Variants in ZNF75D observed in about 807,000 individuals in gnomAD.
ZNF75D encodes the protein zinc finger protein 75D.
ZNF75D carries 33 observed loss-of-function variants against 33.3 expected under a neutral mutation model. That is an observed-to-expected ratio of 0.99 (90% CI 0.75 to 1.32). The LOEUF (loss-of-function observed/expected upper bound fraction) is 1.32. ZNF75D is among the 40% of genes most tolerant of loss of function. ZNF75D has a pLI of 0.00. For missense variants in ZNF75D, 338 were observed against 367.5 expected (o/e 0.92, Z 0.66); for synonymous variants, 113 against 130.6 (o/e 0.87, Z 0.92).
At chrX:135,267,482 A>G (rs1424562817) in intron 1 of ZNF75D, among the ~76,000 whole-genome samples, 2 of 111,457 alleles carry the variant, frequency 1.8e-5, no homozygotes, top group African/African-American at 3.3e-5. Flanking sequence ...GGCTACTATG[A>G]ACAACTATTT....
chrX:135,324,749 A>C (rs1245187450), intron 1 of ZNF75D, among the ~76,000 whole-genome samples: 5 of 112,627 alleles, frequency 4.4e-5, no homozygotes, highest in Admixed American at 2.8e-4. Context: ...CTCTAACATT[A>C]GGAGAACCAG....
chrX:135,275,974 A>T (rs1288177226), intron 1 of ZNF75D, among the ~76,000 whole-genome samples: 2 of 111,578 alleles, frequency 1.8e-5, no homozygotes, highest in African/African-American at 6.5e-5. Flanking sequence ...TTCTTAATCC[A>T]TGGCAATGGT....
At chrX:135,336,737 C>T (rs1164933952) in intron 1 of ZNF75D, among the ~76,000 whole-genome samples, 4 of 112,592 alleles carry the variant, frequency 3.6e-5, no homozygotes, top group Non-Finnish European at 5.6e-5. Flanking sequence ...ACACCTTTCT[C>T]CATGCTGGCT....
At chrX:135,270,352 CATATATATATAT>C (rs530211370) in intron 1 of ZNF75D, among the ~76,000 whole-genome samples, 4,416 of 63,399 alleles carry the variant, frequency 0.07, 217 homozygotes, top group East Asian at 0.17. Context: ...CAAAATATCT[CATATATATATAT>C]ATATATATAT....
At chrX:135,283,234 TGA>T (rs1381359228), downstream of ZNF75D, among the ~76,000 whole-genome samples, 1 of 111,826 alleles carries the variant, frequency 8.9e-6, no homozygotes, top group Non-Finnish European at 1.9e-5. Flanking sequence ...TGATGGTCCT[TGA>T]GAGTTTCCCT....
At chrX:135,322,286 TA>T (rs2084506101) in intron 1 of ZNF75D, among the ~76,000 whole-genome samples, 1 of 112,302 alleles carries the variant, frequency 8.9e-6, no homozygotes. Context: ...CTCACAATGT[TA>T]ATATATTTGT....
At chrX:135,306,271 A>AGG (rs1556425704) in intron 1 of ZNF75D, among the ~76,000 whole-genome samples, 1 of 96,176 alleles carries the variant, frequency 1.0e-5, no homozygotes, top group Non-Finnish European at 2.1e-5. Flanking sequence ...TCAGGAAGAC[A>AGG]GGACAACAGA....
chrX:135,325,603 C>T (rs931747782), intron 1 of ZNF75D, among the ~76,000 whole-genome samples: 2 of 112,609 alleles, frequency 1.8e-5, no homozygotes, highest in African/African-American at 6.4e-5. Flanking sequence ...CCCGGGCCAG[C>T]GGCTGTGGAG....
intron 1 of ZNF75D, among the ~76,000 whole-genome samples, chrX:135,270,927 T>C (rs1556416900): frequency 8.9e-6 from 1 of 112,180 alleles, no homozygotes; most frequent in African/African-American, 3.2e-5. Flanking sequence ...AATTCCTATT[T>C]TGGGGAGAAG....
intron 4 of ZNF75D, among the ~76,000 whole-genome samples, 156 bp downstream of exon 4, chrX:135,292,125 C>T (rs1322299002): frequency 1.8e-5 from 2 of 111,312 alleles, no homozygotes; most frequent in East Asian, 5.6e-4. Flanking sequence ...CCAGGCTGAC[C>T]CCCACCTTCA....
chrX:135,343,443 C>A lies in ZNF75D; in HGVS notation c.-2066G>T. On this transcript the variant is annotated 5_prime_UTR_variant, in exon 1 of 7. It removes the in-frame stop codon of an upstream open reading frame in the 5' UTR. Transcript: ENST00000370766. ...AGAATCTGCTCCATGGAGCGCATCT[C>A]AGGCCAAAGTCACCCATGGCGAAAC... The A allele has an allele frequency of 7.2e-6, 1 of 138,326 alleles. No homozygotes were observed. The highest frequency in any genetic ancestry group is 2.2e-4 in the South Asian group (1 of 4,511). The allele number at this position is 138,326 out of a possible 1,213,427, so 11.4% of individuals were successfully genotyped here. A position where few individuals can be genotyped will look rare whatever the true frequency, so the allele number is the denominator to read the frequency against.
intron 6 of ZNF75D, among the ~76,000 whole-genome samples, chrX:135,289,996 T>C (rs1282761630): frequency 1.8e-5 from 2 of 112,124 alleles, no homozygotes; most frequent in Non-Finnish European, 3.8e-5. Context: ...AAAAAATGAT[T>C]AAGAGAAAAT....
chrX:135,259,304 T>C (rs1415691299), intron 1 of ZNF75D, among the ~76,000 whole-genome samples: 12 of 112,088 alleles, frequency 1.1e-4, no homozygotes, highest in African/African-American at 3.9e-4. Context: ...ATATGAACTT[T>C]AAAGTAATTT....
chrX:135,320,573 G>C (rs2084483339), intron 1 of ZNF75D, among the ~76,000 whole-genome samples: 1 of 111,270 alleles, frequency 9.0e-6, no homozygotes, highest in Non-Finnish European at 1.9e-5. Flanking sequence ...CAATTGCTTT[G>C]AAATATTTTT....
downstream of ZNF75D, among the ~76,000 whole-genome samples, chrX:135,283,100 T>C (rs1416689929): frequency 8.9e-6 from 1 of 112,195 alleles, no homozygotes; most frequent in African/African-American, 3.2e-5. Flanking sequence ...GCAGAACTGC[T>C]TCTCAAAGCT....
intron 1 of ZNF75D, among the ~76,000 whole-genome samples, chrX:135,301,604 A>G (rs984934085): frequency 1.8e-5 from 2 of 112,257 alleles, no homozygotes; most frequent in Non-Finnish European, 3.8e-5. Flanking sequence ...ACCCAAACAC[A>G]TTGGAGTAGT....
chrX:135,297,897 G>A (rs953502975), intron 1 of ZNF75D: 1 of 111,940 alleles, frequency 8.9e-6, no homozygotes. Context: ...ATTGTTGTTG[G>A]GTTTATGGTA....
intron 1 of ZNF75D, among the ~76,000 whole-genome samples, chrX:135,312,330 AT>A (rs1254996830): frequency 5.4e-5 from 6 of 111,361 alleles, no homozygotes; most frequent in Admixed American, 9.5e-5. Flanking sequence ...GGATTGCGGA[AT>A]TTTTTATGGC....
intron 1 of ZNF75D, chrX:135,330,443 A>G (rs1285385943): frequency 1.8e-5 from 2 of 112,160 alleles, no homozygotes; most frequent in African/African-American, 6.5e-5. Context: ...GACTCTCTGA[A>G]GTCAGTCCCA....
Sources: gnomAD v4.1 joint callset for allele counts (sites outside exome capture counted in the v4.1 genomes callset) on GRCh38, gnomAD v4.1.1 for gene constraint, MANE v1.5 for transcripts, NCBI Gene and HGNC (gene_info 2026-07-23, HGNC 2026-07-21) for gene names.